The following GABRB1 variants were observed in gnomAD, a reference collection of about 807,000 sequenced individuals.
GABRB1 encodes gamma-aminobutyric acid type A receptor subunit beta1.
A neutral mutation model predicts 51.6 loss-of-function variants in GABRB1; 17 were observed. That is an observed-to-expected ratio of 0.33 (90% CI 0.23 to 0.49). The LOEUF is 0.49. Ranked by LOEUF, GABRB1 falls within the 20% of genes least tolerant of loss-of-function variation. GABRB1 has a pLI of 0.99. For missense variants in GABRB1, 410 were observed against 600.6 expected, an observed-to-expected ratio of 0.68 and a Z score of 3.32; for synonymous variants, 247 against 218.9, an observed-to-expected ratio of 1.13 and a Z score of -1.14.
At chr4:47,301,152 T>G (rs1724243732) in intron 4 of GABRB1, among the ~76,000 whole-genome samples, 1 of 152,110 alleles carries the variant, frequency 6.6e-6, no homozygotes, top group Non-Finnish European at 1.5e-5. Flanking sequence ...CTCTTAGGTT[T>G]CATTTCTAGG....
chr4:47,350,144 A>G (rs1726256173), intron 5 of GABRB1, among the ~76,000 whole-genome samples: 1 of 135,706 alleles, frequency 7.4e-6, no homozygotes, highest in Non-Finnish European at 1.5e-5. Flanking sequence ...ATTAGTTCTT[A>G]TTTTCTGATT....
rs947196754 is a variant in GABRB1 at position 47,042,534 on chromosome 4, T to C, written c.240+10050T>C. On this transcript the variant is annotated intron_variant, in intron 3 of 8. Transcript: ENST00000295454. ...TAAAAAATAATCACTACTTTTCATTTTCCAAATATCATCTTACTGGCACAT... is the reference window on the plus strand; with the variant it reads ...TAAAAAATAATCACTACTTTTCATTCTCCAAATATCATCTTACTGGCACAT... 2.4e-4 allele frequency among the ~76,000 whole-genome samples: 36 copies of C among 150,032 alleles called. 1 individual carries two copies. The highest frequency in any genetic ancestry group is 8.8e-4 in the African/African-American group (36 of 41,096).
intron 8 of GABRB1, among the ~76,000 whole-genome samples, chr4:47,412,712 G>C (rs1347394269): frequency 6.6e-6 from 1 of 152,154 alleles, no homozygotes; most frequent in Non-Finnish European, 1.5e-5. Context: ...AAAGAGAAAT[G>C]CTCTCTCCTG....
chr4:47,080,235 T>C (rs2109564888), intron 3 of GABRB1, among the ~76,000 whole-genome samples: 1 of 151,518 alleles, frequency 6.6e-6, no homozygotes, highest in East Asian at 2.0e-4. Flanking sequence ...TGAGAAAAAC[T>C]GTGACGCATG....
chr4:47,359,060 G>A (rs1387722661), intron 5 of GABRB1, among the ~76,000 whole-genome samples: 6 of 152,130 alleles, frequency 3.9e-5, no homozygotes, highest in Admixed American at 3.3e-4. Flanking sequence ...ACAAGAACAA[G>A]TTGGACTACA....
intron 5 of GABRB1, among the ~76,000 whole-genome samples, chr4:47,333,154 A>T (rs1451584573): frequency 1.4e-5 from 2 of 145,920 alleles, no homozygotes; most frequent in Non-Finnish European, 3.0e-5. Flanking sequence ...ATATTTATAT[A>T]TTTAAAAATA....
At chr4:47,141,733 C>T (rs999862595) in intron 3 of GABRB1, among the ~76,000 whole-genome samples, 6 of 151,888 alleles carry the variant, frequency 4.0e-5, no homozygotes, top group African/African-American at 1.4e-4. Flanking sequence ...TGATACTCAG[C>T]TTCTTCTCTA....
intron 3 of GABRB1, among the ~76,000 whole-genome samples, chr4:47,087,997 G>A (rs187644229): frequency 2.6e-5 from 4 of 152,178 alleles, no homozygotes; most frequent in East Asian, 1.9e-4. Flanking sequence ...CAATTTCTAC[G>A]TTTCATGATA....
intron 5 of GABRB1, among the ~76,000 whole-genome samples, chr4:47,361,567 A>G (rs981952591): frequency 6.6e-6 from 1 of 152,152 alleles, no homozygotes; most frequent in Non-Finnish European, 1.5e-5. Context: ...GGCTGCCACA[A>G]TAGTGAACAG....
At chr4:47,393,852 A>G (rs1442661747) in intron 5 of GABRB1, among the ~76,000 whole-genome samples, 1 of 152,204 alleles carries the variant, frequency 6.6e-6, no homozygotes, top group East Asian at 1.9e-4. Context: ...CCCACTGCAT[A>G]TCCTTCATGC....
At chr4:47,315,270 A>T (rs1051435301) in intron 4 of GABRB1, among the ~76,000 whole-genome samples, 3 of 152,202 alleles carry the variant, frequency 2.0e-5, no homozygotes, top group Non-Finnish European at 1.5e-5. Context: ...GCATCCAACA[A>T]GCATATAAAA....
intron 4 of GABRB1, among the ~76,000 whole-genome samples, chr4:47,256,053 G>A (rs995924560): frequency 2.6e-5 from 4 of 152,206 alleles, no homozygotes; most frequent in African/African-American, 9.6e-5. Context: ...ATGAATTAGG[G>A]AGTGGGAAAT....
At chr4:47,151,496 A>G (rs1383855805) in intron 3 of GABRB1, among the ~76,000 whole-genome samples, 1 of 152,032 alleles carries the variant, frequency 6.6e-6, no homozygotes, top group East Asian at 1.9e-4. Flanking sequence ...AGCTTGCTTC[A>G]TAACTAGCTT....
At chr4:47,245,777 T>A (rs1218616703) in intron 4 of GABRB1, among the ~76,000 whole-genome samples, 1 of 151,754 alleles carries the variant, frequency 6.6e-6, no homozygotes, top group Non-Finnish European at 1.5e-5. Flanking sequence ...TTTGAGAGAA[T>A]GAGGAGCATT....
chr4:47,179,373 C>T (rs376359291), intron 4 of GABRB1, among the ~76,000 whole-genome samples: 3 of 151,972 alleles, frequency 2.0e-5, no homozygotes, highest in South Asian at 4.1e-4. Flanking sequence ...GACAGTGTGG[C>T]GATTCCTCAA....
At chr4:47,175,364 C>A (rs933907176) in intron 4 of GABRB1, among the ~76,000 whole-genome samples, 3 of 151,960 alleles carry the variant, frequency 2.0e-5, no homozygotes, top group African/African-American at 4.8e-5. Context: ...GCCCTGTAAT[C>A]TTTTTTAAAA....
chr4:47,341,967 A>T (rs796938182), intron 5 of GABRB1, among the ~76,000 whole-genome samples: 7 of 152,288 alleles, frequency 4.6e-5, no homozygotes, highest in African/African-American at 1.7e-4. Context: ...AAGATTATTT[A>T]GGTCAACTCC....
At chr4:47,206,847 A>G (rs893040738) in intron 4 of GABRB1, among the ~76,000 whole-genome samples, 1 of 151,482 alleles carries the variant, frequency 6.6e-6, no homozygotes, top group African/African-American at 2.4e-5. Flanking sequence ...TTATTGAATT[A>G]TAATATATAT....
At chr4:47,341,859 ATT>A (rs1560341801) in intron 5 of GABRB1, among the ~76,000 whole-genome samples, 1 of 152,214 alleles carries the variant, frequency 6.6e-6, no homozygotes, top group Non-Finnish European at 1.5e-5. Context: ...TGAGTAGTTT[ATT>A]AAGTCACATC....
Sources: allele counts gnomAD v4.1 joint callset (sites outside exome capture counted in the v4.1 genomes callset), GRCh38; gene constraint gnomAD v4.1.1; transcripts MANE v1.5; gene names NCBI Gene and HGNC (gene_info 2026-07-23, HGNC 2026-07-21).